Variants in VEZT observed in about 807,000 individuals in gnomAD.
VEZT encodes vezatin, adherens junctions transmembrane protein, also known as vezatin.
VEZT carries 39 observed loss-of-function variants against 79.9 expected under a neutral mutation model. The ratio of observed to expected loss-of-function variants is 0.49; its 90% confidence interval spans 0.38 to 0.64. The LOEUF is 0.64. Ranked by LOEUF, VEZT falls within the 30% of genes least tolerant of loss-of-function variation. The pLI is 0.00. For synonymous variants in VEZT, 325 were observed against 327.6 expected (o/e 0.99, Z 0.09); for missense variants, 837 against 893.1 (o/e 0.94, Z 0.80).
rs1333892350 is a variant in VEZT, at chr12:95,266,571, C to T, written c.649C>T (p.Leu217Phe). ...CACAAACAGCCGAGCTTTTACTAACCTCGTGAGAAAAGCTTTACGTCTCAT... is the reference window on the plus strand; with the variant it reads ...CACAAACAGCCGAGCTTTTACTAACTTCGTGAGAAAAGCTTTACGTCTCAT... ...MATNSRAFTN[L>F]VRKALRLIQE... The change falls in exon 5 of 12, where the codon CTC becomes TTC. Residue 217 changes from leucine to phenylalanine, a missense_variant. By Grantham distance (22) the Leu-to-Phe change is conservative. Transcript: ENST00000436874. The T allele has an allele frequency of 1.9e-6, 3 of 1,613,792 alleles. No homozygotes were observed. The highest frequency in any genetic ancestry group is 2.5e-6 in the Non-Finnish European group (3 of 1,179,828).
At position 95,302,757 on chromosome 12, in the gene VEZT, G is replaced by A. The variant is rs1238528315; in HGVS notation, c.*2084G>A. 3.9e-5 allele frequency: 6 copies of A among 152,056 alleles called. No individual in the cohort carries two copies. Among genetic ancestry groups the A allele is most frequent in the African/African-American group, 1.4e-4 (6 of 41,398 alleles). The allele number at this position is 152,056 out of a possible 1,614,324, so 9.4% of individuals were successfully genotyped here. On this transcript the variant is annotated 3_prime_UTR_variant, in exon 12 of 12. Transcript: ENST00000436874. ...TTGGTCTTTTTGGAATGAGCCATAGGTAATGTTTATGTCCAATAAAATCTA... is the reference window on the plus strand; with the variant it reads ...TTGGTCTTTTTGGAATGAGCCATAGATAATGTTTATGTCCAATAAAATCTA...
At chr12:95,286,493 C>T (rs1242887081) in intron 8 of VEZT, 2 of 554,644 alleles carry the variant, frequency 3.6e-6, no homozygotes, top group Non-Finnish European at 7.3e-6. Context: ...GGATCAAGAC[C>T]TCTGGCAATT....
In VEZT at chr12:95,228,969, T is replaced by C. The variant is rs533995510; in HGVS notation, c.36+11083T>C. On this transcript the variant is annotated intron_variant, in intron 1 of 11. Coordinates refer to ENST00000436874, the MANE Select transcript of VEZT (RefSeq NM_017599.4). Reference sequence around the variant, plus strand: ...GTGAGCTGTGATTTCAGCACTGCACTCCAGCCTGGGCATTGAAATAAGACC... The same window carrying C: ...GTGAGCTGTGATTTCAGCACTGCACCCCAGCCTGGGCATTGAAATAAGACC... 2.4e-4 allele frequency among the ~76,000 whole-genome samples: 37 copies of C among 152,198 alleles called. No individual in the cohort carries two copies. In the South Asian group the frequency reaches 7.7e-3, roughly 32 times the overall value.
chr12:95,276,599 A>G (rs1322126268), intron 7 of VEZT, among the ~76,000 whole-genome samples: 1 of 151,754 alleles, frequency 6.6e-6, no homozygotes, highest in Non-Finnish European at 1.5e-5. Flanking sequence ...CATTGATCCA[A>G]ATGTCTTAAG....
At chr12:95,223,726 C>T (rs1052920075) in intron 1 of VEZT, among the ~76,000 whole-genome samples, 1 of 152,218 alleles carries the variant, frequency 6.6e-6, no homozygotes, top group Non-Finnish European at 1.5e-5. Flanking sequence ...GCTGGGATTA[C>T]AGATGTGAGC....
Position 95,289,088 on chromosome 12 carries a change from AAAAATAAAT to A in VEZT, c.1522+1235_1522+1243del, listed in dbSNP as rs1214430745. On this transcript the variant is annotated intron_variant, in intron 9 of 11. Transcript: ENST00000436874. The stretch of plus-strand genomic sequence containing the variant: ...CAGAGCGAGACTCCGTCTCAAAAAA[AAAAATAAAT>A]AAATAAATAAATAAATAAATAAATA... Among the ~76,000 whole-genome samples, 8 of 139,328 alleles carry A rather than the reference AAAAATAAAT, an allele frequency of 5.7e-5. No individual in the cohort carries two copies. In the South Asian group the frequency reaches 6.8e-4, roughly 12 times the overall value. 91.4% of individuals were successfully genotyped at this position (139,328 alleles called of 152,430 possible).
chr12:95,292,513 C>A (rs1263618945), intron 9 of VEZT, among the ~76,000 whole-genome samples: 1 of 149,726 alleles, frequency 6.7e-6, no homozygotes, highest in Non-Finnish European at 1.5e-5. Flanking sequence ...CAAGATAGTA[C>A]TATTATTTTC....
At chr12:95,281,933 G>GAA (rs967895628) in intron 7 of VEZT, among the ~76,000 whole-genome samples, 1 of 151,406 alleles carries the variant, frequency 6.6e-6, no homozygotes. Context: ...TCTTTGGAGA[G>GAA]AAAAAAATAT....
intron 1 of VEZT, among the ~76,000 whole-genome samples, chr12:95,227,682 G>T (rs962472545): frequency 6.6e-6 from 1 of 151,936 alleles, no homozygotes; most frequent in Non-Finnish European, 1.5e-5. Context: ...TTGACATGTT[G>T]CCCAGGTTCA....
At chr12:95,293,191 T>C (rs1309313276) in intron 9 of VEZT, among the ~76,000 whole-genome samples, 2 of 152,192 alleles carry the variant, frequency 1.3e-5, no homozygotes, top group Non-Finnish European at 2.9e-5. Flanking sequence ...AGAGCTGGGA[T>C]GTAACCCAGG....
intron 6 of VEZT, among the ~76,000 whole-genome samples, chr12:95,271,416 C>T (rs1334525841): frequency 6.6e-6 from 1 of 152,062 alleles, no homozygotes; most frequent in African/African-American, 2.4e-5. Flanking sequence ...TATATAAGTG[C>T]CGTGGGTGCC....
At chr12:95,244,124 A>C (rs1053126853) in intron 1 of VEZT, 2 of 390,626 alleles carry the variant, frequency 5.1e-6, no homozygotes, top group African/African-American at 4.2e-5. Context: ...GGCCAGGCAC[A>C]GTGCCTTACA....
chr12:95,241,485 A>G (rs1373845559), intron 1 of VEZT, among the ~76,000 whole-genome samples: 2 of 152,038 alleles, frequency 1.3e-5, no homozygotes, highest in Non-Finnish European at 2.9e-5. Flanking sequence ...TTTTATTTTT[A>G]GTAGAGACAA....
At chr12:95,297,849 G>A (rs2074485130) in intron 11 of VEZT, among the ~76,000 whole-genome samples, 4 of 152,178 alleles carry the variant, frequency 2.6e-5, no homozygotes, top group Admixed American at 2.6e-4. Flanking sequence ...GCCAAGCACA[G>A]TGGCTCACGC....
intron 5 of VEZT, among the ~76,000 whole-genome samples, chr12:95,268,765 A>G (rs925964310): frequency 6.6e-6 from 1 of 152,222 alleles, no homozygotes. Flanking sequence ...CTTTGTCTCT[A>G]TCTAACTGGA....
chr12:95,259,191 G>GTTT (rs71078691), intron 3 of VEZT, among the ~76,000 whole-genome samples: 18,035 of 147,558 alleles, frequency 0.12, 1,211 homozygotes, highest in Middle Eastern at 0.24. Flanking sequence ...AATACTTTCT[G>GTTT]TTTTTTTTTT....
At chr12:95,221,578 C>T (rs989890436) in intron 1 of VEZT, among the ~76,000 whole-genome samples, 4 of 151,498 alleles carry the variant, frequency 2.6e-5, no homozygotes, top group Admixed American at 2.0e-4. Context: ...TGAGGTGGCT[C>T]ATGCCTGTAA....
At chr12:95,244,061 A>G (rs2061402129) in intron 1 of VEZT, 1 of 430,622 alleles carries the variant, frequency 2.3e-6, no homozygotes, top group Non-Finnish European at 4.5e-6. Flanking sequence ...TGTTATAGCA[A>G]CACAAAACAG....
chr12:95,272,080 G>A (rs943955806), intron 6 of VEZT, among the ~76,000 whole-genome samples: 28 of 152,306 alleles, frequency 1.8e-4, no homozygotes, highest in Non-Finnish European at 3.8e-4. Flanking sequence ...TGAGACAGCA[G>A]GATTCCTTGA....
Sources: allele counts gnomAD v4.1 joint callset (sites outside exome capture counted in the v4.1 genomes callset), GRCh38; gene constraint gnomAD v4.1.1; transcripts MANE v1.5; gene names NCBI Gene and HGNC (gene_info 2026-07-23, HGNC 2026-07-21).